The following TIMM23 variants were observed in gnomAD, a reference collection of about 807,000 sequenced individuals.
The protein encoded by TIMM23 is mitochondrial import inner membrane translocase subunit Tim23.
A neutral mutation model predicts 30.7 loss-of-function variants in TIMM23; 19 were observed. That is an observed-to-expected ratio of 0.62 (90% CI 0.43 to 0.91). The LOEUF is 0.91. Ranked by LOEUF, TIMM23 falls within the 40% of genes least tolerant of loss-of-function variation. The pLI is 0.00. For synonymous variants in TIMM23, 78 were observed against 98.5 expected, an observed-to-expected ratio of 0.79 and a Z score of 1.23; for missense variants, 202 against 269.2, an observed-to-expected ratio of 0.75 and a Z score of 1.75.
intron 2 of TIMM23, among the ~76,000 whole-genome samples, chr10:45,980,737 AG>A (rs1211780350): frequency 1.3e-5 from 2 of 152,226 alleles, no homozygotes; most frequent in East Asian, 3.9e-4. Context: ...GTTTAACAAG[AG>A]GTTTTTAGTA....
At position 45,972,661 on chromosome 10, in the gene TIMM23, G is replaced by A. The variant is rs1837526468; in HGVS notation, c.37G>A (p.Gly13Arg). The A allele has an allele frequency of 6.2e-7, 1 of 1,614,042 alleles. No homozygotes were observed. The highest frequency in any genetic ancestry group is 8.5e-7 in the Non-Finnish European group (1 of 1,179,878). Residue 13 changes from glycine to arginine, a missense_variant, in exon 1 of 7, where the codon GGG becomes AGG. By Grantham distance (125) the Gly-to-Arg change is moderately radical. Coordinates refer to ENST00000580018, the MANE Select transcript of TIMM23 (RefSeq NM_006327.4). ...CGGGGGAAGCGGCAACAAAACCACAGGGGGATTGGCCGGCTTTTTCGGAGC... is the reference window on the plus strand; with the variant it reads ...CGGGGGAAGCGGCAACAAAACCACAAGGGGATTGGCCGGCTTTTTCGGAGC... ...GGGGSGNKTT[G>R]GLAGFFGAGG...
At chr10:46,001,875 T>A (rs1182228466) in intron 6 of TIMM23, among the ~76,000 whole-genome samples, 1 of 152,204 alleles carries the variant, frequency 6.6e-6, no homozygotes, top group Non-Finnish European at 1.5e-5. Context: ...CAGTTAGGCC[T>A]TTTTATTTTG....
intron 6 of TIMM23, among the ~76,000 whole-genome samples, chr10:46,002,841 G>T (rs1171179543): frequency 6.0e-5 from 7 of 116,834 alleles, no homozygotes; most frequent in South Asian, 2.7e-4. Context: ...TTTTGACGGA[G>T]TCTCACTTGT....
At chr10:45,984,103 A>G (rs1837931238) in intron 4 of TIMM23, among the ~76,000 whole-genome samples, 1 of 151,884 alleles carries the variant, frequency 6.6e-6, no homozygotes, top group African/African-American at 2.4e-5. Context: ...TTACCAGCCT[A>G]GATCCTTCAA....
chr10:45,983,199 C>G lies in TIMM23; in HGVS notation c.344+269C>G, dbSNP rs1322842541. On this transcript the variant is annotated intron_variant, in intron 4 of 6. Coordinates refer to ENST00000580018, the MANE Select transcript of TIMM23 (RefSeq NM_006327.4). ...TTCTCAGCTGCACCTGTTACATTCT[C>G]CAACCCTATGTGACTTGCTTTTCAA... 5.4e-4 allele frequency among the ~76,000 whole-genome samples: 82 copies of G among 152,320 alleles called. No homozygotes were observed. In the East Asian group the frequency reaches 8.1e-3, roughly 15 times the overall value.
chr10:45,987,751 T>G, intron 5 of TIMM23, among the ~76,000 whole-genome samples: 1 of 150,744 alleles, frequency 6.6e-6, no homozygotes, highest in East Asian at 2.0e-4. Flanking sequence ...GAGCTGGGAC[T>G]ACAGGCAACA....
chr10:45,987,829 C>T (rs1554915021), intron 5 of TIMM23, among the ~76,000 whole-genome samples: 2 of 151,640 alleles, frequency 1.3e-5, no homozygotes, highest in East Asian at 1.9e-4. Flanking sequence ...ATGTTGTTGC[C>T]CAAACTGGTC....
chr10:45,975,517 G>C lies in TIMM23; in HGVS notation c.165+5G>C. 1 of 1,613,706 alleles carries C rather than the reference G, an allele frequency of 6.2e-7. No individual in the cohort carries two copies. The highest frequency in any genetic ancestry group is 8.5e-7 in the Non-Finnish European group (1 of 1,179,774). ...GATCCACGATACCTCGTGCAGGTAA[G>C]ATTAAGATTTTACTAGTTTGGTGCA... On this transcript the variant is annotated splice_donor_5th_base_variant and intron_variant, in intron 2 of 6. Transcript: ENST00000580018.
At chr10:45,974,162 G>GTT (rs1554912463) in intron 1 of TIMM23, among the ~76,000 whole-genome samples, 3,886 of 149,928 alleles carry the variant, frequency 0.026, 141 homozygotes, top group African/African-American at 0.087. Flanking sequence ...TTTTTGTGGG[G>GTT]GTTTTTTTTG....
intron 6 of TIMM23, among the ~76,000 whole-genome samples, chr10:45,990,175 T>C (rs1453150479): frequency 2.0e-5 from 3 of 150,144 alleles, no homozygotes; most frequent in Non-Finnish European, 3.0e-5. Flanking sequence ...CAGGCTGGAG[T>C]GCAGTGGCAT....
chr10:45,982,594 G>A lies in TIMM23; in HGVS notation c.237G>A (p.Thr79=), dbSNP rs1456663200. The part of the protein sequence containing the change: ...TRGRFELAFF[T]IGGCCMTGAA... The stretch of plus-strand genomic sequence containing the variant: ...GCAGATTTGAGCTGGCCTTCTTTAC[G>A]ATTGGAGGATGTTGCATGACAGGTG... The change falls in exon 3 of 7, where the codon ACG becomes ACA. Residue 79 remains threonine, a synonymous_variant. Transcript: ENST00000580018. 139 of 1,613,874 alleles carry A rather than the reference G, an allele frequency of 8.6e-5. No homozygotes were observed. The highest frequency in any genetic ancestry group is 1.1e-4 in the Non-Finnish European group (126 of 1,179,856).
chr10:45,990,073 T>G (rs1590122661), intron 6 of TIMM23, among the ~76,000 whole-genome samples: 1 of 152,138 alleles, frequency 6.6e-6, no homozygotes, highest in East Asian at 1.9e-4. Flanking sequence ...AACAGTGTTC[T>G]ATACGTCTCA....
chr10:45,982,773 A>T (rs2132255031), intron 3 of TIMM23, 73 bp from the exon 4 acceptor site: 3 of 1,603,100 alleles, frequency 1.9e-6, no homozygotes, highest in Non-Finnish European at 2.6e-6. Flanking sequence ...TCAGAAGTGT[A>T]GTTATGCAGA....
At chr10:45,983,174 T>C (rs1837894868) in intron 4 of TIMM23, among the ~76,000 whole-genome samples, 1 of 152,278 alleles carries the variant, frequency 6.6e-6, no homozygotes, top group Non-Finnish European at 1.5e-5. Context: ...CCAGCCTGAC[T>C]TCTCAGCTGC....
intron 6 of TIMM23, among the ~76,000 whole-genome samples, chr10:45,996,996 A>C (rs1348226681): frequency 6.6e-6 from 1 of 150,866 alleles, no homozygotes; most frequent in Non-Finnish European, 1.5e-5. Flanking sequence ...GATAGATTCT[A>C]AGAGGCCAAG....
At chr10:45,998,042 C>T (rs1161779501) in intron 6 of TIMM23, among the ~76,000 whole-genome samples, 2 of 152,150 alleles carry the variant, frequency 1.3e-5, no homozygotes, top group African/African-American at 2.4e-5. Context: ...TCCTATAGAA[C>T]AGGAGCCACC....
intron 5 of TIMM23, among the ~76,000 whole-genome samples, chr10:45,988,002 A>G (rs1838046659): frequency 6.6e-6 from 1 of 152,088 alleles, no homozygotes; most frequent in Non-Finnish European, 1.5e-5. Context: ...TGAGTGCAGG[A>G]GCTTTCATTT....
intron 6 of TIMM23, among the ~76,000 whole-genome samples, chr10:45,998,912 A>G (rs1590132100): frequency 6.7e-6 from 1 of 150,124 alleles, no homozygotes; most frequent in Admixed American, 6.7e-5. Flanking sequence ...TGCTCACTGC[A>G]ACCTCCACCC....
chr10:45,984,367 CCTTT>C (rs1837940199), intron 4 of TIMM23, among the ~76,000 whole-genome samples: 1 of 152,036 alleles, frequency 6.6e-6, no homozygotes, highest in Non-Finnish European at 1.5e-5. Context: ...CAACTTGCTT[CCTTT>C]CTTAAAACAA....
Sources: gnomAD v4.1 joint callset for allele counts (sites outside exome capture counted in the v4.1 genomes callset) on GRCh38, gnomAD v4.1.1 for gene constraint, MANE v1.5 for transcripts, NCBI Gene and HGNC (gene_info 2026-07-23, HGNC 2026-07-21) for gene names.